The following CNTN6 variants were observed in gnomAD, a reference collection of about 807,000 sequenced individuals.
CNTN6 encodes contactin-6.
CNTN6 carries 137 observed loss-of-function variants against 122.8 expected under a neutral mutation model. That is an observed-to-expected ratio of 1.12 (90% CI 0.97 to 1.29). CNTN6 has a LOEUF of 1.29. Among genes scored for constraint, CNTN6 ranks in the 50% most tolerant of loss-of-function variants. CNTN6 has a pLI of 0.00. For synonymous variants in CNTN6, 570 were observed against 426.0 expected (o/e 1.34, Z -4.16); for missense variants, 1,634 against 1,223.4 (o/e 1.34, Z -5.01).
chr3:1,124,778 C>T (rs2092098573), intron 1 of CNTN6, among the ~76,000 whole-genome samples: 1 of 151,882 alleles, frequency 6.6e-6, no homozygotes, highest in South Asian at 2.1e-4. Flanking sequence ...AATTTTCGGC[C>T]ACTTCCTCCA....
At chr3:1,381,894 T>C (rs1691945221) in intron 17 of CNTN6, among the ~76,000 whole-genome samples, 1 of 152,134 alleles carries the variant, frequency 6.6e-6, no homozygotes. Flanking sequence ...GATTCTGCCC[T>C]CATAGATACT....
chr3:1,332,482 G>GGAAGGAAA (rs1702429011), intron 11 of CNTN6, among the ~76,000 whole-genome samples: 1 of 123,078 alleles, frequency 8.1e-6, no homozygotes, highest in Non-Finnish European at 1.8e-5. Context: ...AAGAGAGAAA[G>GGAAGGAAA]AAAGGAAGGA....
intron 1 of CNTN6, among the ~76,000 whole-genome samples, chr3:1,138,026 C>T (rs560734291): frequency 5.8e-4 from 88 of 152,368 alleles, no homozygotes; most frequent in African/African-American, 2.0e-3. Flanking sequence ...GCTAAATCCT[C>T]TCTTCCCCAG....
At chr3:1,259,956 C>G (rs929738564) in intron 4 of CNTN6, among the ~76,000 whole-genome samples, 1 of 152,046 alleles carries the variant, frequency 6.6e-6, no homozygotes, top group Non-Finnish European at 1.5e-5. Context: ...GTTAAAACTG[C>G]TTTGAATTTG....
chr3:1,359,856 T>C (rs1450811818), intron 12 of CNTN6, among the ~76,000 whole-genome samples: 1 of 152,062 alleles, frequency 6.6e-6, no homozygotes. Context: ...TTCAGAGTAT[T>C]AGCTTTGATT....
At chr3:1,295,457 C>G (rs547632729) in intron 5 of CNTN6, 144 bp from the exon 6 acceptor site, 1 of 623,350 alleles carries the variant, frequency 1.6e-6, no homozygotes, top group East Asian at 2.7e-5. Flanking sequence ...TACAATTACA[C>G]CAGATGACAG....
chr3:1,387,448 C>T (rs990246287), intron 20 of CNTN6, among the ~76,000 whole-genome samples: 4 of 152,216 alleles, frequency 2.6e-5, no homozygotes, highest in Non-Finnish European at 5.9e-5. Context: ...CTTCTTTCAG[C>T]TAATCTGCAA....
intron 8 of CNTN6, among the ~76,000 whole-genome samples, chr3:1,322,570 C>T (rs1329411935): frequency 6.6e-6 from 1 of 151,340 alleles, no homozygotes; most frequent in Non-Finnish European, 1.5e-5. Context: ...TGATATATGG[C>T]CAAAATACTT....
intron 4 of CNTN6, among the ~76,000 whole-genome samples, chr3:1,276,598 A>G (rs945439524): frequency 2.0e-4 from 30 of 152,124 alleles, no homozygotes; most frequent in African/African-American, 7.2e-4. Flanking sequence ...AAACGTCCCT[A>G]CATTTTTTAT....
intron 1 of CNTN6, among the ~76,000 whole-genome samples, chr3:1,130,394 T>C (rs2092305980): frequency 6.6e-6 from 1 of 152,040 alleles, no homozygotes; most frequent in Non-Finnish European, 1.5e-5. Context: ...GAAGCGTGCT[T>C]TCCTCCAAGC....
At chr3:1,335,010 A>G (rs759958621) in intron 11 of CNTN6, among the ~76,000 whole-genome samples, 4 of 152,138 alleles carry the variant, frequency 2.6e-5, no homozygotes, top group African/African-American at 4.8e-5. Context: ...AGATAGCCAC[A>G]TAACATATAA....
At chr3:1,387,624 T>A (rs993563935) in intron 20 of CNTN6, among the ~76,000 whole-genome samples, 1 of 152,112 alleles carries the variant, frequency 6.6e-6, no homozygotes, top group Non-Finnish European at 1.5e-5. Context: ...TGAAGACGCG[T>A]GATTTCTGCA....
In CNTN6 at chr3:1,385,136, C is replaced by CT. The variant is rs963506572; in HGVS notation, c.2518-466dup. Among the ~76,000 whole-genome samples the CT allele has an allele frequency of 7.8e-3, 1,178 of 150,812 alleles. 5 individuals carry two copies. Among genetic ancestry groups the CT allele is most frequent in the Middle Eastern group, 0.031 (9 of 290 alleles). ...TGAAAATAGGTACTTAATTTATTCT[C>CT]TTTTTTTTTCAATGTACCTAAAACA... On this transcript the variant is annotated intron_variant, in intron 19 of 22. Transcript: ENST00000446702.
intron 12 of CNTN6, among the ~76,000 whole-genome samples, chr3:1,371,764 T>C (rs1709048462): frequency 6.6e-6 from 1 of 152,164 alleles, no homozygotes; most frequent in Non-Finnish European, 1.5e-5. Context: ...ATCTTCCCTA[T>C]TCATGTTGCA....
intron 2 of CNTN6, among the ~76,000 whole-genome samples, chr3:1,154,061 A>G (rs907392611): frequency 2.0e-5 from 3 of 152,246 alleles, no homozygotes; most frequent in Admixed American, 6.5e-5. Context: ...TCCAATTTAG[A>G]AATGCTGAAA....
At chr3:1,123,912 A>G (rs1439334688) in intron 1 of CNTN6, among the ~76,000 whole-genome samples, 1 of 151,940 alleles carries the variant, frequency 6.6e-6, no homozygotes, top group Admixed American at 6.6e-5. Context: ...ACTGTGTTAA[A>G]TGATTTTCTG....
intron 4 of CNTN6, among the ~76,000 whole-genome samples, chr3:1,233,546 C>T (rs147249170): frequency 0.043 from 6,537 of 151,666 alleles, 181 homozygotes; most frequent in Non-Finnish European, 0.065. Context: ...CCAGCCTGGC[C>T]AACATAGTGA....
At chr3:1,255,638 T>C (rs2094744703) in intron 4 of CNTN6, among the ~76,000 whole-genome samples, 1 of 152,062 alleles carries the variant, frequency 6.6e-6, no homozygotes, top group Non-Finnish European at 1.5e-5. Context: ...ATTTATTACA[T>C]GATTTAATCG....
At chr3:1,343,371 T>C (rs1023902757) in intron 11 of CNTN6, among the ~76,000 whole-genome samples, 1 of 152,138 alleles carries the variant, frequency 6.6e-6, no homozygotes, top group Non-Finnish European at 1.5e-5. Flanking sequence ...TGCATCAACT[T>C]TTGTACTGCT....
Sources: gnomAD v4.1 joint callset for allele counts (sites outside exome capture counted in the v4.1 genomes callset) on GRCh38, gnomAD v4.1.1 for gene constraint, MANE v1.5 for transcripts, NCBI Gene and HGNC (gene_info 2026-07-23, HGNC 2026-07-21) for gene names.